The following ASH2L variants were observed in gnomAD, a reference collection of about 807,000 sequenced individuals.
ASH2L encodes set1/Ash2 histone methyltransferase complex subunit ASH2.
Under a neutral mutation model 81.1 loss-of-function variants are expected in ASH2L, and 30 were observed. The ratio of observed to expected loss-of-function variants is 0.37; its 90% confidence interval spans 0.28 to 0.50. ASH2L has a LOEUF of 0.50. ASH2L is among the 20% of genes least tolerant of loss of function. The pLI is 0.95. For synonymous variants in ASH2L, 273 were observed against 279.9 expected (o/e 0.98, Z 0.24); for missense variants, 559 against 792.1 (o/e 0.71, Z 3.53).
At position 38,128,825 on chromosome 8, in the gene ASH2L, G is replaced by A. The variant is rs1164809850; in HGVS notation, c.1401G>A (p.Lys467=). The change falls in exon 12 of 16, where the codon AAG becomes AAA. Residue 467 remains lysine (K), a synonymous_variant. Transcript: ENST00000343823. Reference sequence around the variant, plus strand: ...CTTGGCGGAGCAAAAAGGGAACCAAGTTCCACCAGTCCATTGGCAAACACT... The same window carrying A: ...CTTGGCGGAGCAAAAAGGGAACCAAATTCCACCAGTCCATTGGCAAACACT... ...SYSWRSKKGT[K]FHQSIGKHYS... The A allele has an allele frequency of 6.2e-7, 1 of 1,614,148 alleles. No homozygotes were observed. The highest frequency in any genetic ancestry group is 8.5e-7 in the Non-Finnish European group (1 of 1,180,034).
intron 5 of ASH2L, among the ~76,000 whole-genome samples, chr8:38,113,734 C>A (rs1585572190): frequency 6.6e-6 from 1 of 152,170 alleles, no homozygotes; most frequent in South Asian, 2.1e-4. Context: ...TCTAAGTTAT[C>A]AGGAGCAAGA....
chr8:38,113,383 TC>T (rs1810763618), intron 5 of ASH2L, among the ~76,000 whole-genome samples: 1 of 152,198 alleles, frequency 6.6e-6, no homozygotes, highest in African/African-American at 2.4e-5. Flanking sequence ...TTTGAACTCT[TC>T]CTTACTTTCT....
At chr8:38,107,868 A>ATGTGTGTGTGTG (rs10542885) in intron 3 of ASH2L, among the ~76,000 whole-genome samples, 13 of 141,396 alleles carry the variant, frequency 9.2e-5, no homozygotes, top group South Asian at 4.6e-4. Context: ...AAATACATAT[A>ATGTGTGTGTGTG]TGTGTGTGTG....
chr8:38,106,771 A>G (rs1284976224), intron 2 of ASH2L, among the ~76,000 whole-genome samples: 1 of 151,676 alleles, frequency 6.6e-6, no homozygotes, highest in Admixed American at 6.6e-5. Flanking sequence ...TCAGCCTCCC[A>G]GAGTGTTGGG....
rs1438982737 is a variant in ASH2L, at chr8:38,139,947, G to A, written c.*876G>A. ...TGATCTCCCTCCCGGTCTTCCCTTG[G>A]AACATGGATGTTGATATATGTGCGG... On this transcript the variant is annotated 3_prime_UTR_variant, in exon 16 of 16. Coordinates refer to ENST00000343823, the MANE Select transcript of ASH2L (RefSeq NM_004674.5). The A allele has an allele frequency of 6.6e-6, 1 of 152,202 alleles. No individual in the cohort carries two copies. Among genetic ancestry groups the A allele is most frequent in the Admixed American group, 6.6e-5 (1 of 15,262 alleles). 9.4% of individuals were successfully genotyped at this position (152,202 alleles called of 1,614,324 possible). A position where few individuals can be genotyped will look rare whatever the true frequency, so the allele number is the denominator to read the frequency against.
At position 38,107,278 on chromosome 8, in the gene ASH2L, C is replaced by T. The variant is rs898483138; in HGVS notation, c.401+112C>T. The T allele has an allele frequency of 2.2e-6, 3 of 1,355,962 alleles. No homozygotes were observed. In the African/African-American group the frequency reaches 4.3e-5, roughly 19 times the overall value. The allele number at this position is 1,355,962 out of a possible 1,614,324, so 84.0% of individuals were successfully genotyped here. Reference sequence around the variant, plus strand: ...GCAAAGTATTTCCTATGTCTCCTAACCCCTATTCAGCAAGTAGGATGTTGA... The same window carrying T: ...GCAAAGTATTTCCTATGTCTCCTAATCCCTATTCAGCAAGTAGGATGTTGA... On this transcript the variant is annotated intron_variant, in intron 3 of 15. Transcript: ENST00000343823.
chr8:38,116,515 A>G (rs922520525), intron 7 of ASH2L, 135 bp from the exon 8 acceptor site: 1 of 700,234 alleles, frequency 1.4e-6, no homozygotes, highest in Non-Finnish European at 2.4e-6. Context: ...ACTGGGCAAT[A>G]GAGTAAGGCC....
chr8:38,134,304 C>G (rs1358347015), intron 13 of ASH2L, among the ~76,000 whole-genome samples: 1 of 151,306 alleles, frequency 6.6e-6, no homozygotes, highest in African/African-American at 2.4e-5. Flanking sequence ...TGAGAAACAC[C>G]CAAGAATGAT....
chr8:38,105,752 C>T lies in ASH2L; in HGVS notation c.188+14C>T. ...GGCTGAAGGCGGGTAAGAGGTCCTG[C>T]CGCCCGAGGAAGACGCGGGAGGGAG... On this transcript the variant is annotated intron_variant, in intron 1 of 15. Transcript: ENST00000343823. 1.3e-6 allele frequency: 2 copies of T among 1,506,340 alleles called. No individual in the cohort carries two copies. Among genetic ancestry groups the T allele is most frequent in the Non-Finnish European group, 8.8e-7 (1 of 1,131,012 alleles). The allele number at this position is 1,506,340 out of a possible 1,614,324, so 93.3% of individuals were successfully genotyped here. A position where few individuals can be genotyped will look rare whatever the true frequency, so the allele number is the denominator to read the frequency against.
intron 4 of ASH2L, 111 bp from the exon 5 acceptor site, chr8:38,110,628 A>T (rs1810643474): frequency 7.9e-6 from 9 of 1,145,360 alleles, no homozygotes; most frequent in Non-Finnish European, 1.0e-5. Flanking sequence ...TCACATGATG[A>T]CTCCATTTTG....
At chr8:38,129,519 G>A (rs915687023) in intron 12 of ASH2L, among the ~76,000 whole-genome samples, 1 of 152,260 alleles carries the variant, frequency 6.6e-6, no homozygotes, top group South Asian at 2.1e-4. Flanking sequence ...GCTGAGATGG[G>A]AGAATCATTC....
chr8:38,109,108 T>A (rs1378314807), intron 3 of ASH2L, among the ~76,000 whole-genome samples: 2 of 152,028 alleles, frequency 1.3e-5, no homozygotes, highest in African/African-American at 4.8e-5. Context: ...AAAGCCCAGT[T>A]AGGTGGGATG....
chr8:38,133,185 G>T (rs559556223), intron 12 of ASH2L, among the ~76,000 whole-genome samples: 2 of 152,124 alleles, frequency 1.3e-5, no homozygotes, highest in East Asian at 1.9e-4. Flanking sequence ...ACTTTTATGG[G>T]TATTTTTATT....
At chr8:38,106,996 T>A in intron 2 of ASH2L, 25 bp from the exon 3 acceptor site, 1 of 1,612,666 alleles carries the variant, frequency 6.2e-7, no homozygotes, top group Non-Finnish European at 8.5e-7. Flanking sequence ...TCAACTGATT[T>A]GAGTCTCGAA....
chr8:38,114,224 G>A lies in ASH2L; in HGVS notation c.618G>A (p.Glu206=). 2 of 1,605,064 alleles carry A rather than the reference G, an allele frequency of 1.2e-6. No homozygotes were observed. Among genetic ancestry groups the A allele is most frequent in the Non-Finnish European group, 1.7e-6 (2 of 1,175,518 alleles). Residue 206 remains glutamate, a synonymous_variant, in exon 6 of 16, where the codon GAG becomes GAA. Coordinates refer to ENST00000343823, the MANE Select transcript of ASH2L (RefSeq NM_004674.5). ...DIIPFIDKYW[E]CMTTRQRPGK... ...TACCATTTATTGATAAATACTGGGA[G>A]TGCATGACAACCAGACAGAGACCTG...
chr8:38,135,522 AT>A, intron 13 of ASH2L, 145 bp from the exon 14 acceptor site: 1 of 548,114 alleles, frequency 1.8e-6, no homozygotes, highest in Non-Finnish European at 3.2e-6. Context: ...AAAATTGAAG[AT>A]GTTGTTATTA....
intron 3 of ASH2L, among the ~76,000 whole-genome samples, chr8:38,107,405 C>A (rs796306112): frequency 6.6e-6 from 1 of 152,030 alleles, no homozygotes; most frequent in Non-Finnish European, 1.5e-5. Flanking sequence ...GAGTTGACAA[C>A]CTGGTTTGGA....
chr8:38,110,314 A>C, intron 3 of ASH2L, 65 bp from the exon 4 acceptor site: 1 of 1,309,464 alleles, frequency 7.6e-7, no homozygotes, highest in Non-Finnish European at 1.1e-6. Context: ...CCTGTCTTTA[A>C]AAAAAGAAAA....
At chr8:38,125,424 C>T (rs1801797824) in intron 10 of ASH2L, among the ~76,000 whole-genome samples, 1 of 151,892 alleles carries the variant, frequency 6.6e-6, no homozygotes, top group Non-Finnish European at 1.5e-5. Flanking sequence ...AGTTCAAGAC[C>T]AGCCTGACCA....
Sources: gnomAD v4.1 joint callset for allele counts (sites outside exome capture counted in the v4.1 genomes callset) on GRCh38, gnomAD v4.1.1 for gene constraint, MANE v1.5 for transcripts, NCBI Gene and HGNC (gene_info 2026-07-23, HGNC 2026-07-21) for gene names.